ASRGL1: variants seen among roughly 807,000 people sequenced by gnomAD.
ASRGL1 encodes isoaspartyl peptidase/L-asparaginase.
In ASRGL1, 16 loss-of-function variants were observed where a neutral mutation model predicts 22.4. The ratio of observed to expected loss-of-function variants is 0.71; its 90% CI spans 0.48 to 1.08. The LOEUF is 1.08. Among genes scored for constraint, ASRGL1 ranks in the 50% least tolerant of loss-of-function variants. The probability of loss-of-function intolerance (pLI) is 0.00; values close to 1 mark genes in which losing one functional copy is unlikely to be tolerated. For missense variants in ASRGL1, 412 were observed against 410.1 expected, an observed-to-expected ratio of 1.00 and a Z score of -0.04; for synonymous variants, 165 against 159.3, an observed-to-expected ratio of 1.04 and a Z score of -0.27.
intron 2 of ASRGL1, among the ~76,000 whole-genome samples, chr11:62,346,370 A>AC (rs939102543): frequency 3.9e-5 from 6 of 152,224 alleles, no homozygotes; most frequent in Admixed American, 3.9e-4. Flanking sequence ...TCTTCAGCAC[A>AC]CCACCCTCCT....
downstream of ASRGL1, among the ~76,000 whole-genome samples, chr11:62,397,982 CCTCGGCGTCGCAT>C (rs1212580455): frequency 1.3e-5 from 2 of 152,024 alleles, no homozygotes; most frequent in Non-Finnish European, 2.9e-5. Flanking sequence ...GCCCCGGGCC[CCTCGGCGTCGCAT>C]CTTCTGCTTG....
rs965268589 is a variant in ASRGL1, at chr11:62,392,439, G to A, written c.*155G>A. ...TAAGCATCTGAATGTTTGGTTGTGG[G>A]GCGGGTTCTGAAGCGATGAGAGAAA... is the stretch of plus-strand genomic sequence containing the variant. On this transcript the variant is annotated 3_prime_UTR_variant, in exon 7 of 7. Transcript: ENST00000415229. 1.1e-6 allele frequency: 1 copy of A among 926,532 alleles called. No individual in the cohort carries two copies. Among genetic ancestry groups the A allele is most frequent in the South Asian group, 1.7e-5 (1 of 60,224 alleles). 57.4% of individuals were successfully genotyped at this position (926,532 alleles called of 1,614,324 possible). A position where few individuals can be genotyped will look rare whatever the true frequency, so the allele number is the denominator to read the frequency against.
chr11:62,390,948 A>C (rs1947322073), intron 5 of ASRGL1, among the ~76,000 whole-genome samples: 1 of 152,210 alleles, frequency 6.6e-6, no homozygotes, highest in Non-Finnish European at 1.5e-5. Flanking sequence ...GCTTAATCCA[A>C]GCCCAAAATA....
chr11:62,389,392 C>T, intron 5 of ASRGL1, 141 bp downstream of exon 5: 2 of 862,270 alleles, frequency 2.3e-6, no homozygotes, highest in Non-Finnish European at 3.8e-6. Flanking sequence ...CTGGGAGTGA[C>T]AATGGGGTTG....
chr11:62,387,120 C>G (rs972355734), intron 4 of ASRGL1, among the ~76,000 whole-genome samples: 1 of 149,688 alleles, frequency 6.7e-6, no homozygotes, highest in Admixed American at 6.7e-5. Flanking sequence ...CCAGGCTAGT[C>G]TCAAACTGCT....
chr11:62,366,612 C>T (rs1946616485), intron 4 of ASRGL1, among the ~76,000 whole-genome samples: 1 of 151,166 alleles, frequency 6.6e-6, no homozygotes, highest in Non-Finnish European at 1.5e-5. Context: ...TTGTCCTACA[C>T]TCATTTTTTC....
At chr11:62,366,683 A>G (rs1212926459) in intron 4 of ASRGL1, among the ~76,000 whole-genome samples, 5 of 151,440 alleles carry the variant, frequency 3.3e-5, no homozygotes, top group South Asian at 2.1e-4. Context: ...CTTTTTTAAC[A>G]TTCTTTATAG....
chr11:62,362,891 ATTTTTTTTTTTTTTTTTTTT>A (rs60507577), intron 4 of ASRGL1, among the ~76,000 whole-genome samples: 16 of 50,362 alleles, frequency 3.2e-4, no homozygotes, highest in African/African-American at 8.8e-4. Flanking sequence ...AAAGGATTTA[ATTTTTTTTTTTTTTTTTTTT>A]TTTTTTTTTT....
the ASRGL1 span, among the ~76,000 whole-genome samples, chr11:62,401,266 A>G: frequency 6.6e-6 from 1 of 152,222 alleles, no homozygotes; most frequent in African/African-American, 2.4e-5. Flanking sequence ...GTGAGCCCGT[A>G]TCATTGCAGC....
chr11:62,357,099 A>G lies in ASRGL1; in HGVS notation c.446A>G (p.Glu149Gly). The part of the protein sequence containing the change: ...LVTERNKKRL[E>G]KEKHEKGAQK... The stretch of plus-strand genomic sequence containing the variant: ...ACAGAGAGAAACAAAAAGCGCCTGG[A>G]AAAAGAGAAGCATGAAAAAGGTGCT... The change falls in exon 4 of 7, where the codon GAA becomes GGA. Residue 149 changes from glutamate to glycine, a missense_variant. Coordinates refer to ENST00000415229, the MANE Select transcript of ASRGL1 (RefSeq NM_001083926.2). 1 of 1,614,128 alleles carries G rather than the reference A, an allele frequency of 6.2e-7. No individual in the cohort carries two copies. Among genetic ancestry groups the G allele is most frequent in the Non-Finnish European group, 8.5e-7 (1 of 1,180,008 alleles).
At chr11:62,352,015 A>G (rs1946178720) in intron 2 of ASRGL1, among the ~76,000 whole-genome samples, 1 of 152,182 alleles carries the variant, frequency 6.6e-6, no homozygotes, top group South Asian at 2.1e-4. Flanking sequence ...GCCTGCTGGC[A>G]ACAAATTGTT....
At chr11:62,338,961 A>G (rs1286202937) in intron 2 of ASRGL1, among the ~76,000 whole-genome samples, 2 of 151,934 alleles carry the variant, frequency 1.3e-5, no homozygotes, top group Non-Finnish European at 2.9e-5. Context: ...TGAAAAAAGA[A>G]GGGAATGTCT....
At chr11:62,371,188 G>A (rs1178649253) in intron 4 of ASRGL1, 3 of 1,246,668 alleles carry the variant, frequency 2.4e-6, no homozygotes, top group Non-Finnish European at 3.2e-6. Flanking sequence ...CTCGGGCAAC[G>A]GCACTGCCCA....
chr11:62,372,006 T>TC, intron 4 of ASRGL1: 1 of 669,228 alleles, frequency 1.5e-6, no homozygotes, highest in Non-Finnish European at 2.7e-6. Context: ...TACGGCAATA[T>TC]CCGTCAGAAT....
downstream of ASRGL1, among the ~76,000 whole-genome samples, chr11:62,394,213 TATA>T (rs1378914171): frequency 3.1e-4 from 41 of 130,712 alleles, no homozygotes; most frequent in African/African-American, 1.0e-3. Context: ...ATATATGATA[TATA>T]ATATTATATA....
chr11:62,364,315 T>C (rs1241607718), intron 4 of ASRGL1, among the ~76,000 whole-genome samples: 1 of 152,104 alleles, frequency 6.6e-6, no homozygotes, highest in Non-Finnish European at 1.5e-5. Flanking sequence ...CACCAGCCGA[T>C]TAACAAATGA....
intron 4 of ASRGL1, among the ~76,000 whole-genome samples, chr11:62,362,540 TAAA>T (rs1192546265): frequency 7.8e-5 from 4 of 51,044 alleles, no homozygotes; most frequent in African/African-American, 1.4e-4. Context: ...ATATATTATA[TAAA>T]ATATATAACA....
intron 4 of ASRGL1, among the ~76,000 whole-genome samples, chr11:62,384,636 C>T (rs1306912250): frequency 6.7e-6 from 1 of 150,050 alleles, no homozygotes; most frequent in Non-Finnish European, 1.5e-5. Flanking sequence ...ACATTCATGG[C>T]TGGGTGTGGT....
At position 62,338,022 on chromosome 11, in the gene ASRGL1, C is replaced by T. The variant is rs765286213; in HGVS notation, c.45C>T (p.Ile15=). Residue 15 remains isoleucine (I), a synonymous_variant, in exon 2 of 7, where the codon ATC becomes ATT. Coordinates refer to ENST00000415229, the MANE Select transcript of ASRGL1 (RefSeq NM_001083926.2). The part of the protein sequence containing the change: ...VVVHGGGAGP[I]SKDRKERVHQ... ...TCCACGGCGGCGGAGCCGGTCCCAT[C>T]TCCAAGGATCGGAAGGAGCGAGTGC... is the stretch of plus-strand genomic sequence containing the variant. The T allele has an allele frequency of 1.9e-6, 3 of 1,607,638 alleles. No individual in the cohort carries two copies. The Admixed American group carries it at 5.1e-5, about 27-fold the overall frequency.
Sources: allele counts gnomAD v4.1 joint callset (sites outside exome capture counted in the v4.1 genomes callset), GRCh38; gene constraint gnomAD v4.1.1; transcripts MANE v1.5; gene names NCBI Gene and HGNC (gene_info 2026-07-23, HGNC 2026-07-21).